Variants in CAMKK2 observed in about 807,000 individuals in gnomAD.
CAMKK2 encodes calcium/calmodulin dependent protein kinase kinase 2.
Under a neutral mutation model 67.2 loss-of-function variants are expected in CAMKK2, and 30 were observed. The ratio of observed to expected loss-of-function variants is 0.45; its 90% CI spans 0.33 to 0.61. The LOEUF is 0.61. CAMKK2 is among the 20% of genes least tolerant of loss of function. The pLI is 0.02. For missense variants in CAMKK2, 643 were observed against 802.0 expected (o/e 0.80, Z 2.39); for synonymous variants, 322 against 326.2 (o/e 0.99, Z 0.14).
chr12:121,257,349 C>A (rs1454354906), intron 7 of CAMKK2, among the ~76,000 whole-genome samples: 2 of 151,528 alleles, frequency 1.3e-5, no homozygotes, highest in Non-Finnish European at 2.9e-5. Flanking sequence ...TGGGTTCAAG[C>A]GATTCTTCTG....
At chr12:121,273,892 C>A (rs898711008) in intron 2 of CAMKK2, among the ~76,000 whole-genome samples, 164 bp downstream of exon 2, 2 of 151,976 alleles carry the variant, frequency 1.3e-5, no homozygotes, top group Non-Finnish European at 2.9e-5. Context: ...CCCTAGGGCC[C>A]CTTTTTGGCC....
chr12:121,246,557 G>A lies in CAMKK2; in HGVS notation c.1453-1317C>T, dbSNP rs188677392. Among the ~76,000 whole-genome samples, 644 of 151,656 alleles carry A rather than the reference G, an allele frequency of 4.2e-3. 11 individuals carry two copies. Among genetic ancestry groups the A allele is most frequent in the African/African-American group, 0.015 (602 of 41,258 alleles). ...GCAAAACTCCATCTCAAAAAAAAAA[G>A]AGAGAGAGAATGAAGGCCTCTTCCC... On this transcript the variant is annotated intron_variant, in intron 14 of 16. Transcript: ENST00000404169.
chr12:121,268,194 T>C (rs1489733116), intron 5 of CAMKK2, among the ~76,000 whole-genome samples: 1 of 151,340 alleles, frequency 6.6e-6, no homozygotes, highest in African/African-American at 2.4e-5. Context: ...TTCCACTTTT[T>C]AGTTATTGTG....
chr12:121,264,941 AG>A (rs1462791106), intron 5 of CAMKK2, among the ~76,000 whole-genome samples: 6 of 151,554 alleles, frequency 4.0e-5, no homozygotes, highest in Admixed American at 2.0e-4. Context: ...CACTGCACTC[AG>A]CCTGGGTGAC....
At chr12:121,267,601 TCCTGCCTCAGCCTC>T (rs1379015001) in intron 5 of CAMKK2, among the ~76,000 whole-genome samples, 3 of 151,976 alleles carry the variant, frequency 2.0e-5, no homozygotes, top group African/African-American at 7.3e-5. Context: ...CATGCAATTC[TCCTGCCTCAGCCTC>T]CCGAGTAGCT....
intron 2 of CAMKK2, among the ~76,000 whole-genome samples, chr12:121,273,442 G>T (rs1433638069): frequency 6.6e-6 from 1 of 152,080 alleles, no homozygotes; most frequent in Non-Finnish European, 1.5e-5. Context: ...GAACCCTGGT[G>T]AGGATCTGAG....
intron 9 of CAMKK2, among the ~76,000 whole-genome samples, chr12:121,254,720 A>T (rs1468450964): frequency 6.6e-6 from 1 of 152,120 alleles, no homozygotes. Context: ...ACTGCTCTTC[A>T]TTTTGCCAAG....
At chr12:121,264,968 C>CAAAACAAAAAACAA (rs3078971) in intron 5 of CAMKK2, among the ~76,000 whole-genome samples, 1 of 147,982 alleles carries the variant, frequency 6.8e-6, no homozygotes. Flanking sequence ...GAGACCCTAT[C>CAAAACAAAAAACAA]AAAACAAAAA....
chr12:121,275,300 A>T (rs1225848178), intron 1 of CAMKK2, among the ~76,000 whole-genome samples: 1 of 152,106 alleles, frequency 6.6e-6, no homozygotes, highest in East Asian at 1.9e-4. Context: ...CCTGGCCAAC[A>T]TGGTGAAACC....
In CAMKK2 at chr12:121,240,384, A is replaced by T; in HGVS notation, c.*315T>A. 6.8e-7 allele frequency: 1 copy of T among 1,471,244 alleles called. No homozygotes were observed. Among genetic ancestry groups the T allele is most frequent in the Admixed American group, 2.2e-5 (1 of 46,386 alleles). 91.1% of individuals were successfully genotyped at this position (1,471,244 alleles called of 1,614,324 possible). A position where few individuals can be genotyped will look rare whatever the true frequency, so the allele number is the denominator to read the frequency against. On this transcript the variant is annotated 3_prime_UTR_variant, in exon 17 of 17. Transcript: ENST00000404169. This position sits in a 1 kb window ranked among gnomAD's most constrained non-coding sequence, Gnocchi z 4.4. ...CTTGGTATATCTGACGTGGTTCTGAAAATCACAATGAAGGATTTTTGGCAT... is the reference window on the plus strand; with the variant it reads ...CTTGGTATATCTGACGTGGTTCTGATAATCACAATGAAGGATTTTTGGCAT...
intron 13 of CAMKK2, 133 bp from the exon 14 acceptor site, chr12:121,248,867 G>T: frequency 2.0e-6 from 2 of 1,002,332 alleles, no homozygotes; most frequent in Non-Finnish European, 3.1e-6. Flanking sequence ...AACAGCTGGC[G>T]AGCAGAGGGC....
chr12:121,252,174 T>A (rs1365230578), intron 11 of CAMKK2, among the ~76,000 whole-genome samples: 1 of 152,232 alleles, frequency 6.6e-6, no homozygotes, highest in African/African-American at 2.4e-5. Context: ...CAGATCATTT[T>A]TTCATAGATA....
At chr12:121,269,490 A>G in intron 4 of CAMKK2, 38 bp downstream of exon 4, 1 of 1,516,760 alleles carries the variant, frequency 6.6e-7, no homozygotes, top group Non-Finnish European at 9.1e-7. Flanking sequence ...TCTTCTGTGG[A>G]TAAGGATGGG....
intron 1 of CAMKK2, among the ~76,000 whole-genome samples, chr12:121,295,891 A>G (rs928034132): frequency 3.9e-5 from 6 of 152,154 alleles, no homozygotes; most frequent in Non-Finnish European, 8.8e-5. Context: ...AAAGCCAGGA[A>G]AAGCTCAAGG....
intron 1 of CAMKK2, among the ~76,000 whole-genome samples, chr12:121,281,118 G>A (rs1002440786): frequency 6.6e-6 from 1 of 152,138 alleles, no homozygotes; most frequent in African/African-American, 2.4e-5. Context: ...TCTCTCTTTT[G>A]TACTCTGTCC....
chr12:121,279,830 G>A (rs1245538503), intron 1 of CAMKK2, among the ~76,000 whole-genome samples: 1 of 152,222 alleles, frequency 6.6e-6, no homozygotes, highest in Non-Finnish European at 1.5e-5. Flanking sequence ...GCCAGGATGA[G>A]GGAAACGCTC....
chr12:121,270,751 A>G (rs1221602849), intron 3 of CAMKK2, 147 bp downstream of exon 3: 10 of 631,078 alleles, frequency 1.6e-5, no homozygotes, highest in African/African-American at 5.5e-5. Flanking sequence ...ACTAAACCAA[A>G]AACCTAGATC....
rs760260127 is a variant in CAMKK2, at chr12:121,274,548, C to T, written c.-22G>A. 4.5e-6 allele frequency: 7 copies of T among 1,561,800 alleles called. No homozygotes were observed. The African/African-American group carries it at 8.1e-5, about 18-fold the overall frequency. On this transcript the variant is annotated 5_prime_UTR_variant, in exon 2 of 17. Coordinates refer to ENST00000404169, the MANE Select transcript of CAMKK2 (RefSeq NM_001270485.2). ...ACATGGTGCATGCGCCAGCTTCATC[C>T]AGCACACTGGGGCACTCCCATCCGG...
chr12:121,274,634 A>G (rs199633317), intron 1 of CAMKK2, 49 bp from the exon 2 acceptor site: 1 of 728,564 alleles, frequency 1.4e-6, no homozygotes, highest in Non-Finnish European at 2.2e-6. Flanking sequence ...GGGCAGGGAC[A>G]GGAAAGGATC....
Sources: gnomAD v4.1 joint callset for allele counts (sites outside exome capture counted in the v4.1 genomes callset) on GRCh38, gnomAD v4.1.1 for gene constraint, Gnocchi (gnomAD v3.1) non-coding constraint, MANE v1.5 for transcripts, NCBI Gene and HGNC (gene_info 2026-07-23, HGNC 2026-07-21) for gene names.